FAM47E: variants seen among roughly 807,000 people sequenced by gnomAD.
FAM47E encodes protein FAM47E.
A neutral mutation model predicts 41.6 loss-of-function variants in FAM47E; 32 were observed. That is an observed-to-expected ratio of 0.77 (90% CI 0.58 to 1.03). The LOEUF (loss-of-function observed/expected upper bound fraction) is 1.03, where lower values mean the gene tolerates loss of function less well. FAM47E is among the 50% of genes least tolerant of loss of function. The pLI, the probability that FAM47E is intolerant of heterozygous loss-of-function variation, is 0.00. For missense variants in FAM47E, 424 were observed against 485.4 expected (o/e 0.87, Z 1.19); for synonymous variants, 184 against 188.7 (o/e 0.98, Z 0.20).
chr4:76,253,285 G>GGTTGTTTTGGACATTCCA (rs71212410), intron 1 of FAM47E, among the ~76,000 whole-genome samples: 20,168 of 151,936 alleles, frequency 0.13, 1,622 homozygotes, highest in East Asian at 0.34. Context: ...AGGACATTCA[G>GGTTGTTTTGGACATTCCA]GTTGTTTTGG....
intron 3 of FAM47E, chr4:76,268,352 G>T (rs1734731722): frequency 8.4e-6 from 2 of 239,418 alleles, no homozygotes; most frequent in South Asian, 6.1e-5. Context: ...TAGACTTCAA[G>T]CACAGTAATT....
chr4:76,265,883 C>T (rs1734611531), intron 3 of FAM47E, among the ~76,000 whole-genome samples: 1 of 152,228 alleles, frequency 6.6e-6, no homozygotes. Context: ...CCAACTTCCA[C>T]TCACCAGATA....
At chr4:76,251,663 G>A, upstream of FAM47E, 1 of 1,364,724 alleles carries the variant, frequency 7.3e-7, no homozygotes, top group Non-Finnish European at 9.4e-7. Flanking sequence ...GGCAGCGGTG[G>A]TTGTGCGGTG....
intron 6 of FAM47E, chr4:76,279,854 T>C (rs1206191684): frequency 2.0e-5 from 3 of 152,768 alleles, no homozygotes; most frequent in African/African-American, 7.2e-5. Flanking sequence ...TTAAAATAAA[T>C]GTAAAGAAAA....
chr4:76,216,172 T>TA (rs990635132), intron 1 of FAM47E, among the ~76,000 whole-genome samples: 1 of 152,192 alleles, frequency 6.6e-6, no homozygotes, highest in African/African-American at 2.4e-5. Context: ...TCTCTGCTGT[T>TA]AAGTTTCAGT....
intron 3 of FAM47E, chr4:76,267,611 C>T (rs564190279): frequency 3.7e-4 from 56 of 152,268 alleles, no homozygotes; most frequent in African/African-American, 1.3e-3. Flanking sequence ...CCTTAACAGG[C>T]AAAAAGTGGC....
At chr4:76,273,249 C>T (rs1560751171) in intron 5 of FAM47E, among the ~76,000 whole-genome samples, 1 of 152,206 alleles carries the variant, frequency 6.6e-6, no homozygotes, top group African/African-American at 2.4e-5. Context: ...CATCATGCTA[C>T]TGAGAATGGC....
intron 2 of FAM47E, among the ~76,000 whole-genome samples, chr4:76,221,577 T>C (rs1445128190): frequency 6.6e-6 from 1 of 152,104 alleles, no homozygotes; most frequent in East Asian, 1.9e-4. Context: ...GCCTTGGCTT[T>C]CTAAAGTGCT....
chr4:76,218,762 TCTAA>T (rs1733258390), intron 2 of FAM47E, among the ~76,000 whole-genome samples: 1 of 152,202 alleles, frequency 6.6e-6, no homozygotes, highest in Non-Finnish European at 1.5e-5. Flanking sequence ...CGTAGTGTTG[TCTAA>T]CTAATAGAAT....
At chr4:76,235,088 C>G (rs1355614314) in intron 2 of FAM47E, among the ~76,000 whole-genome samples, 1 of 152,022 alleles carries the variant, frequency 6.6e-6, no homozygotes, top group African/African-American at 2.4e-5. Flanking sequence ...GAGGCCGAGG[C>G]GGGCAGATCA....
chr4:76,251,138 G>A (rs1006622477), upstream of FAM47E, among the ~76,000 whole-genome samples: 1 of 152,124 alleles, frequency 6.6e-6, no homozygotes, highest in Non-Finnish European at 1.5e-5. Flanking sequence ...GTGGCCACGT[G>A]CCTACCAGGG....
intron 2 of FAM47E, among the ~76,000 whole-genome samples, chr4:76,244,992 G>A (rs189137325): frequency 9.1e-4 from 139 of 152,188 alleles, no homozygotes; most frequent in Admixed American, 3.7e-3. Flanking sequence ...TAATCATGTT[G>A]CTGAGTATCT....
chr4:76,246,302 G>A (rs749390450), intron 2 of FAM47E, among the ~76,000 whole-genome samples: 2 of 152,140 alleles, frequency 1.3e-5, no homozygotes, highest in Non-Finnish European at 2.9e-5. Context: ...CTAGGACTCC[G>A]TTGTTGCAAT....
At chr4:76,270,700 A>G (rs1007033761) in intron 4 of FAM47E, among the ~76,000 whole-genome samples, 5 of 152,150 alleles carry the variant, frequency 3.3e-5, no homozygotes, top group Non-Finnish European at 7.4e-5. Flanking sequence ...AACTGCCTGT[A>G]GTTTCAGACC....
rs538761513 is a variant in FAM47E at position 76,216,475 on chromosome 4, A to G, written c.-29-1104A>G. Among the ~76,000 whole-genome samples, 168 of 152,222 alleles carry G rather than the reference A, an allele frequency of 1.1e-3. 1 individual carries two copies. Among genetic ancestry groups the G allele is most frequent in the Non-Finnish European group, 1.9e-3 (129 of 67,988 alleles). ...AACTCCATAGGTACCCACTCCTCCC[A>G]TCCCTGGACCACCAATCCCAGGGTA... On this transcript the variant is annotated intron_variant, in intron 1 of 7. Transcript: ENST00000510197.
intron 2 of FAM47E, among the ~76,000 whole-genome samples, chr4:76,235,590 G>A (rs73828722): frequency 0.012 from 1,853 of 152,240 alleles, 47 homozygotes; most frequent in African/African-American, 0.043. Flanking sequence ...AGATCATGAA[G>A]CTAGGAACTA....
At chr4:76,237,370 T>G in intron 2 of FAM47E, among the ~76,000 whole-genome samples, 1 of 146,558 alleles carries the variant, frequency 6.8e-6, no homozygotes, top group African/African-American at 2.6e-5. Context: ...TTTTTGTTTG[T>G]TTGTTTGTTT....
chr4:76,244,625 C>A (rs1733785668), intron 2 of FAM47E, among the ~76,000 whole-genome samples: 1 of 148,206 alleles, frequency 6.7e-6, no homozygotes, highest in Non-Finnish European at 1.5e-5. Context: ...ACTGCAACCT[C>A]CACCCTCCGA....
Position 76,263,692 on chromosome 4 carries a change from T to C in FAM47E, c.421-12T>C. The C allele has an allele frequency of 6.5e-7, 1 of 1,548,552 alleles. No individual in the cohort carries two copies. The highest frequency in any genetic ancestry group is 8.7e-7 in the Non-Finnish European group (1 of 1,145,810). Reference sequence around the variant, plus strand: ...GTTTTTCTTTTCCTCTAAGACTATTTTCTGTTTGTAGCTCTTATCAAAGGT... The same window carrying C: ...GTTTTTCTTTTCCTCTAAGACTATTCTCTGTTTGTAGCTCTTATCAAAGGT... On this transcript the variant is annotated splice_polypyrimidine_tract_variant and intron_variant, in intron 2 of 7. Transcript: ENST00000424749.
Sources: gnomAD v4.1 joint callset for allele counts (sites outside exome capture counted in the v4.1 genomes callset) on GRCh38, gnomAD v4.1.1 for gene constraint, MANE v1.5 for transcripts, NCBI Gene and HGNC (gene_info 2026-07-23, HGNC 2026-07-21) for gene names.